The following KIAA1549 variants were observed in gnomAD, a reference collection of about 807,000 sequenced individuals.
KIAA1549 encodes KIAA1549.
KIAA1549 carries 70 observed loss-of-function variants against 156.4 expected under a neutral mutation model. The observed-to-expected ratio is 0.45, with a 90% CI of 0.37 to 0.55. KIAA1549 has a LOEUF of 0.55. KIAA1549 is among the 20% of genes least tolerant of loss of function. The pLI is 0.00. For missense variants in KIAA1549, 2,428 were observed against 2,540.9 expected, an observed-to-expected ratio of 0.96 and a Z score of 0.96; for synonymous variants, 1,103 against 1,066.4, an observed-to-expected ratio of 1.03 and a Z score of -0.67.
At chr7:138,848,670 C>G (rs1810150057) in intron 17 of KIAA1549, among the ~76,000 whole-genome samples, 2 of 152,066 alleles carry the variant, frequency 1.3e-5, no homozygotes, top group South Asian at 4.1e-4. Context: ...TCCCTCGTAT[C>G]AAGGTGATGT....
At chr7:138,877,915 C>T (rs1015297294) in intron 12 of KIAA1549, among the ~76,000 whole-genome samples, 3 of 152,110 alleles carry the variant, frequency 2.0e-5, no homozygotes, top group Admixed American at 2.0e-4. Flanking sequence ...CATCAGAAGG[C>T]ATTAAATGCA....
At chr7:138,903,438 A>T in intron 8 of KIAA1549, 150 bp downstream of exon 8, 1 of 764,488 alleles carries the variant, frequency 1.3e-6, no homozygotes, top group Non-Finnish European at 2.0e-6. Flanking sequence ...TTCAGTGGCT[A>T]CCCAATATAG....
At chr7:138,858,064 T>C (rs918474525) in intron 16 of KIAA1549, among the ~76,000 whole-genome samples, 1 of 152,202 alleles carries the variant, frequency 6.6e-6, no homozygotes, top group Non-Finnish European at 1.5e-5. Context: ...ATCTGTGCTT[T>C]TGGTATCTGT....
intron 6 of KIAA1549, among the ~76,000 whole-genome samples, chr7:138,905,357 G>A (rs939236234): frequency 2.6e-5 from 4 of 152,194 alleles, no homozygotes; most frequent in African/African-American, 9.7e-5. Flanking sequence ...GAATGTCACT[G>A]TTCCACAGCA....
At chr7:138,840,416 C>T (rs1159430211) in intron 18 of KIAA1549, 138 bp from the exon 19 acceptor site, 1 of 715,038 alleles carries the variant, frequency 1.4e-6, no homozygotes, top group South Asian at 2.3e-5. Context: ...GGTACCAGTT[C>T]TATCTCCAGA....
Position 138,833,173 on chromosome 7 carries a change from G to A in KIAA1549, c.*4733C>T, listed in dbSNP as rs1273265014. Reference sequence around the variant, plus strand: ...AATGACCACGGTGAAAACTCCACTTGAGCTAAAGTTAGCGTGGGAGTTAAG... The same window carrying A: ...AATGACCACGGTGAAAACTCCACTTAAGCTAAAGTTAGCGTGGGAGTTAAG... On this transcript the variant is annotated 3_prime_UTR_variant, in exon 20 of 20. Coordinates refer to ENST00000422774, the MANE Select transcript of KIAA1549 (RefSeq NM_001164665.2). 6.0e-5 allele frequency: 14 copies of A among 232,530 alleles called. No homozygotes were observed. The highest frequency in any genetic ancestry group is 1.1e-4 in the Non-Finnish European group (13 of 117,664). 14.4% of individuals were successfully genotyped at this position (232,530 alleles called of 1,614,324 possible).
At chr7:138,886,017 G>GCC (rs200690474) in intron 10 of KIAA1549, among the ~76,000 whole-genome samples, 1 of 146,046 alleles carries the variant, frequency 6.8e-6, no homozygotes. Context: ...TGTGAGGAAA[G>GCC]CCCCCCCCCA....
At chr7:138,923,653 G>A (rs1812627521) in intron 1 of KIAA1549, among the ~76,000 whole-genome samples, 1 of 151,974 alleles carries the variant, frequency 6.6e-6, no homozygotes, top group Admixed American at 6.6e-5. Flanking sequence ...AATACTGATG[G>A]TATAAATGAA....
At chr7:138,840,739 C>T (rs2130326093) in intron 18 of KIAA1549, among the ~76,000 whole-genome samples, 1 of 152,242 alleles carries the variant, frequency 6.6e-6, no homozygotes, top group East Asian at 1.9e-4. Flanking sequence ...GCACTTCTAC[C>T]AGCCCATCAG....
chr7:138,965,688 A>T (rs1310201904), intron 1 of KIAA1549, among the ~76,000 whole-genome samples: 1 of 152,182 alleles, frequency 6.6e-6, no homozygotes, highest in Non-Finnish European at 1.5e-5. Context: ...ATATGATACC[A>T]TTGCTTTCTG....
At chr7:138,872,551 A>C (rs1810970489) in intron 12 of KIAA1549, among the ~76,000 whole-genome samples, 1 of 152,156 alleles carries the variant, frequency 6.6e-6, no homozygotes, top group African/African-American at 2.4e-5. Context: ...TTAATTTTGA[A>C]AAAAGAGAAA....
At chr7:138,973,177 C>T (rs1215231423) in intron 1 of KIAA1549, among the ~76,000 whole-genome samples, 1 of 152,200 alleles carries the variant, frequency 6.6e-6, no homozygotes. Flanking sequence ...AAGTCTAAAA[C>T]ATGTTTTTAA....
intron 1 of KIAA1549, among the ~76,000 whole-genome samples, chr7:138,962,556 T>C (rs998954300): frequency 6.6e-6 from 1 of 152,222 alleles, no homozygotes; most frequent in South Asian, 2.1e-4. Flanking sequence ...AGTCCTACTA[T>C]AAGAAGTCCA....
At chr7:138,866,855 T>C (rs944949778) in intron 15 of KIAA1549, among the ~76,000 whole-genome samples, 1 of 152,192 alleles carries the variant, frequency 6.6e-6, no homozygotes, top group Admixed American at 6.5e-5. Context: ...CAGGCTGGAG[T>C]GCAGTGGTGC....
intron 1 of KIAA1549, among the ~76,000 whole-genome samples, chr7:138,966,604 G>A (rs1323954091): frequency 2.0e-5 from 3 of 151,710 alleles, no homozygotes; most frequent in Non-Finnish European, 2.9e-5. Context: ...GTATTTTCAT[G>A]TTCTTCTGCT....
chr7:138,881,513 T>C lies in KIAA1549; in HGVS notation c.4104A>G (p.Ile1368Met). ...GTGGCGCTGGCTCATGAATAATCAA[T>C]ATGTCGTCTTTATTGTGCTGACCCA... ...QHLGQHNKDD[I>M]LIIHEPAPLP... The change falls in exon 11 of 20, where the codon ATA becomes ATG. Residue 1368 changes from isoleucine to methionine, a missense_variant. By Grantham distance (10) the Ile-to-Met change is conservative. Around this residue, in one of 5 missense-constraint regions of KIAA1549, gnomAD observed 762 missense variants for 901.6 expected, o/e 0.85. Transcript: ENST00000422774. The C allele has an allele frequency of 2.5e-6, 4 of 1,614,014 alleles. No individual in the cohort carries two copies. The highest frequency in any genetic ancestry group is 3.4e-6 in the Non-Finnish European group (4 of 1,179,886).
chr7:138,837,771 T>A lies in KIAA1549; in HGVS notation c.*135A>T. On this transcript the variant is annotated 3_prime_UTR_variant, in exon 20 of 20. Transcript: ENST00000422774. Reference sequence around the variant, plus strand: ...ACACGACGTATGGCATCTTCTAAATTGCAACTTGCTCCCTCCCTTGGGCAG... The same window carrying A: ...ACACGACGTATGGCATCTTCTAAATAGCAACTTGCTCCCTCCCTTGGGCAG... 1.1e-6 allele frequency: 1 copy of A among 949,866 alleles called. No individual in the cohort carries two copies. The highest frequency in any genetic ancestry group is 1.5e-6 in the Non-Finnish European group (1 of 646,178). 58.8% of individuals were successfully genotyped at this position (949,866 alleles called of 1,614,324 possible).
chr7:138,959,200 C>T (rs927647768), intron 1 of KIAA1549, among the ~76,000 whole-genome samples: 1 of 152,192 alleles, frequency 6.6e-6, no homozygotes, highest in Admixed American at 6.5e-5. Context: ...CTTTTTTAAA[C>T]AAATGACCTT....
rs1381185310 is a variant in KIAA1549, at chr7:138,917,598, A to G, written c.2028T>C (p.Ser676=). 1 of 1,613,842 alleles carries G rather than the reference A, an allele frequency of 6.2e-7. No individual in the cohort carries two copies. The highest frequency in any genetic ancestry group is 8.5e-7 in the Non-Finnish European group (1 of 1,179,900). ...GAGACAGCTGAGATGACTGCAGATCACTAGAGTCAAACAATGTAAATGTCT... is the reference window on the plus strand; with the variant it reads ...GAGACAGCTGAGATGACTGCAGATCGCTAGAGTCAAACAATGTAAATGTCT... ...LVETFTLFDS[S]DLQSSQLSLP... is the part of the protein sequence containing the mutation. The change falls in exon 2 of 20, where the codon AGT becomes AGC. Residue 676 remains serine (S), a synonymous_variant. Transcript: ENST00000422774.
Sources: allele counts gnomAD v4.1 joint callset (sites outside exome capture counted in the v4.1 genomes callset), GRCh38; gene constraint gnomAD v4.1.1; regional missense constraint gnomAD v4.1.1; transcripts MANE v1.5; gene names NCBI Gene and HGNC (gene_info 2026-07-23, HGNC 2026-07-21).